ADCY2: variants seen among roughly 807,000 people sequenced by gnomAD.
ADCY2 encodes adenylate cyclase type 2.
Under a neutral mutation model 125.2 loss-of-function variants are expected in ADCY2, and 31 were observed. The observed-to-expected ratio is 0.25, with a 90% CI of 0.19 to 0.33. The LOEUF (loss-of-function observed/expected upper bound fraction) is 0.33. Among genes scored for constraint, ADCY2 ranks in the 10% least tolerant of loss-of-function variants. The probability of loss-of-function intolerance (pLI) is 1.00; values close to 1 mark genes in which losing one functional copy is unlikely to be tolerated. For missense variants in ADCY2, 904 were observed against 1,418.2 expected, an observed-to-expected ratio of 0.64 and a Z score of 5.82; for synonymous variants, 512 against 548.4, an observed-to-expected ratio of 0.93 and a Z score of 0.93.
intron 20 of ADCY2, 141 bp downstream of exon 20, chr5:7,789,941 A>T (rs1451694383): frequency 1.5e-6 from 1 of 651,890 alleles, no homozygotes; most frequent in East Asian, 2.8e-5. Context: ...ATTGGCTTGA[A>T]TTGTTCAGTT....
intron 2 of ADCY2, among the ~76,000 whole-genome samples, chr5:7,458,394 T>G (rs1172461846): frequency 6.6e-6 from 1 of 152,248 alleles, no homozygotes; most frequent in African/African-American, 2.4e-5. Flanking sequence ...CTTGCAGTTA[T>G]TTAGTTATTT....
At chr5:7,467,200 C>T (rs768656289) in intron 2 of ADCY2, among the ~76,000 whole-genome samples, 102 of 152,150 alleles carry the variant, frequency 6.7e-4, no homozygotes, top group South Asian at 1.5e-3. Context: ...TGCTCTTAAC[C>T]GCTCAGCTAT....
chr5:7,442,600 T>C (rs1275774542), intron 2 of ADCY2, among the ~76,000 whole-genome samples: 1 of 152,118 alleles, frequency 6.6e-6, no homozygotes, highest in African/African-American at 2.4e-5. Context: ...CCACTGCTCT[T>C]TCTCTCACTG....
intron 18 of ADCY2, among the ~76,000 whole-genome samples, chr5:7,775,796 C>T (rs1482853335): frequency 2.0e-5 from 3 of 152,216 alleles, no homozygotes; most frequent in African/African-American, 7.2e-5. Flanking sequence ...TAATTTTCAT[C>T]AGAAGTTCTG....
chr5:7,707,794 T>A lies in ADCY2; in HGVS notation c.1357T>A (p.Leu453Ile), dbSNP rs1561179711. The A allele has an allele frequency of 6.2e-7, 1 of 1,614,140 alleles. No individual in the cohort carries two copies. Among genetic ancestry groups the A allele is most frequent in the African/African-American group, 1.3e-5 (1 of 75,036 alleles). The stretch of plus-strand genomic sequence containing the variant: ...AGATGGTGACATTAGGGACCCATAT[T>A]TAAAACAGCACCTGGTGAAAACCTA... ...EGDGDIRDPYLKQHLVKTYFV... is the reference protein window; with the variant it reads ...EGDGDIRDPYIKQHLVKTYFV... The change falls in exon 9 of 25, where the codon TTA becomes ATA. Residue 453 changes from leucine (L) to isoleucine (I), a missense_variant. Around this residue, in one of 7 missense-constraint regions of ADCY2, gnomAD observed 144 missense variants for 227.7 expected, o/e 0.63. Transcript: ENST00000338316.
Position 7,712,879 on chromosome 5 carries a change from T to A in ADCY2, c.1602T>A (p.Asn534Lys). Reference protein sequence around the residue: ...STTDVPMGQHNFQNRTLRTKS... With the variant: ...STTDVPMGQHKFQNRTLRTKS... ...AGGATGTACCCATGGGTCAGCATAA[T>A]TTTCAAAATCGCACCTTAAGGTATG... is the stretch of plus-strand genomic sequence containing the variant. The change falls in exon 11 of 25, where the codon AAT becomes AAA. Residue 534 changes from asparagine (N) to lysine (K), a missense_variant. By Grantham distance (94) the Asn-to-Lys change is moderately conservative. This residue lies in a region of ADCY2 where 144 missense variants were observed against 227.7 expected (regional missense o/e 0.63). Transcript: ENST00000338316. 6.2e-7 allele frequency: 1 copy of A among 1,609,756 alleles called. No individual in the cohort carries two copies.
intron 3 of ADCY2, among the ~76,000 whole-genome samples, chr5:7,553,266 C>T (rs1316984806): frequency 1.3e-5 from 2 of 152,182 alleles, no homozygotes; most frequent in African/African-American, 2.4e-5. Flanking sequence ...TCAAAAAGCA[C>T]ATGTAAAGTG....
intron 4 of ADCY2, among the ~76,000 whole-genome samples, chr5:7,656,818 T>G (rs1417045622): frequency 2.6e-5 from 4 of 152,216 alleles, no homozygotes; most frequent in Admixed American, 2.0e-4. Flanking sequence ...GCATCTGATT[T>G]TAGAGTCTGC....
intron 3 of ADCY2, among the ~76,000 whole-genome samples, chr5:7,572,584 A>G (rs963513145): frequency 2.6e-5 from 4 of 151,940 alleles, no homozygotes; most frequent in African/African-American, 9.7e-5. Flanking sequence ...ATTTTCTCCC[A>G]TTCTGTAGGT....
intron 2 of ADCY2, among the ~76,000 whole-genome samples, chr5:7,460,083 G>A (rs1741863474): frequency 6.6e-6 from 1 of 151,980 alleles, no homozygotes; most frequent in South Asian, 2.1e-4. Flanking sequence ...ACGGTGCCCA[G>A]CTGTTTAAGA....
chr5:7,662,754 T>C (rs546334875), intron 4 of ADCY2, among the ~76,000 whole-genome samples: 27 of 152,328 alleles, frequency 1.8e-4, no homozygotes, highest in Non-Finnish European at 2.9e-4. Flanking sequence ...ATCCTGGTTG[T>C]CAGCCTGCGT....
At chr5:7,765,918 T>C (rs1743360741) in intron 16 of ADCY2, among the ~76,000 whole-genome samples, 1 of 151,920 alleles carries the variant, frequency 6.6e-6, no homozygotes, top group Non-Finnish European at 1.5e-5. Context: ...GCAGCTTCTG[T>C]AGGACAGACA....
chr5:7,707,046 TATGTTA>T (rs1262803571), intron 8 of ADCY2, 144 bp downstream of exon 8: 29 of 1,033,240 alleles, frequency 2.8e-5, no homozygotes, highest in Non-Finnish European at 3.8e-5. Context: ...AACGGCCTCT[TATGTTA>T]AGCAGATAAA....
At chr5:7,673,119 A>G (rs982288004) in intron 4 of ADCY2, among the ~76,000 whole-genome samples, 10 of 150,042 alleles carry the variant, frequency 6.7e-5, no homozygotes, top group Non-Finnish European at 1.2e-4. Context: ...AAACTTAACA[A>G]TGGTTGGGTG....
chr5:7,585,808 C>T (rs1736608296), intron 3 of ADCY2, among the ~76,000 whole-genome samples: 1 of 152,166 alleles, frequency 6.6e-6, no homozygotes, highest in Admixed American at 6.6e-5. Flanking sequence ...ACCAGAACTG[C>T]TAAGAGTAGC....
At chr5:7,540,922 T>G (rs951734463) in intron 3 of ADCY2, among the ~76,000 whole-genome samples, 2 of 152,224 alleles carry the variant, frequency 1.3e-5, no homozygotes, top group Non-Finnish European at 2.9e-5. Flanking sequence ...TCCTGTACTT[T>G]GGAGTTGTCA....
intron 15 of ADCY2, among the ~76,000 whole-genome samples, chr5:7,748,021 A>C (rs1306959196): frequency 1.3e-5 from 2 of 152,188 alleles, no homozygotes; most frequent in Non-Finnish European, 2.9e-5. Context: ...CCTGCTCCGC[A>C]TTCTGGCGGG....
intron 3 of ADCY2, among the ~76,000 whole-genome samples, chr5:7,610,041 G>A (rs1737525067): frequency 6.6e-6 from 1 of 152,162 alleles, no homozygotes; most frequent in African/African-American, 2.4e-5. Context: ...ATGCAGACAG[G>A]GGTGGGTTGT....
At chr5:7,480,928 A>G (rs1031901932) in intron 2 of ADCY2, among the ~76,000 whole-genome samples, 4 of 152,186 alleles carry the variant, frequency 2.6e-5, no homozygotes, top group Non-Finnish European at 5.9e-5. Flanking sequence ...TATAGTGGAT[A>G]GTGCTGCAAT....
Sources: gnomAD v4.1 joint callset for allele counts (sites outside exome capture counted in the v4.1 genomes callset) on GRCh38, gnomAD v4.1.1 for gene constraint, gnomAD v4.1.1 regional missense constraint, MANE v1.5 for transcripts, NCBI Gene and HGNC (gene_info 2026-07-23, HGNC 2026-07-21) for gene names.